Variants in NEGR1 observed in about 807,000 individuals in gnomAD.
The protein encoded by NEGR1 is neuronal growth regulator 1.
In NEGR1, 10 loss-of-function variants were observed where a neutral mutation model predicts 40.9. The observed-to-expected ratio is 0.24, with a 90% CI of 0.15 to 0.42. The LOEUF (loss-of-function observed/expected upper bound fraction) is 0.42. NEGR1 is among the 10% of genes least tolerant of loss of function. The pLI is 1.00. For missense variants in NEGR1, 352 were observed against 438.9 expected (o/e 0.80, Z 1.77); for synonymous variants, 185 against 166.8 (o/e 1.11, Z -0.84).
chr1:71,859,863 A>T (rs1659892487), intron 2 of NEGR1, among the ~76,000 whole-genome samples: 1 of 152,090 alleles, frequency 6.6e-6, no homozygotes, highest in African/African-American at 2.4e-5. Context: ...TCATCCATCT[A>T]AATATCAAAG....
At position 71,831,725 on chromosome 1, in the gene NEGR1, G is replaced by A. The variant is rs904375997; in HGVS notation, c.410-55428C>T. 4.0e-5 allele frequency among the ~76,000 whole-genome samples: 6 copies of A among 151,714 alleles called. 1 individual carries two copies. Among genetic ancestry groups the A allele is most frequent in the African/African-American group, 1.2e-4 (5 of 41,404 alleles). On this transcript the variant is annotated intron_variant, in intron 2 of 6. Coordinates refer to ENST00000357731, the MANE Select transcript of NEGR1 (RefSeq NM_173808.3). ...TTGGCTAGAGGACAGTGGGAGGATC[G>A]AACTCATGTTGGTCCCTGGGGATGT...
chr1:72,057,307 A>T (rs565440905), intron 1 of NEGR1, among the ~76,000 whole-genome samples: 4 of 150,722 alleles, frequency 2.7e-5, no homozygotes, highest in Non-Finnish European at 4.5e-5. Flanking sequence ...TCCAAACTTA[A>T]TTTTTTTTTG....
chr1:72,116,149 T>C (rs1468709381), intron 1 of NEGR1, among the ~76,000 whole-genome samples: 1 of 151,764 alleles, frequency 6.6e-6, no homozygotes, highest in Non-Finnish European at 1.5e-5. Context: ...TTAAAAGAGA[T>C]ACAGTAAAAG....
At chr1:71,822,967 A>C (rs1215408009) in intron 2 of NEGR1, among the ~76,000 whole-genome samples, 1 of 152,046 alleles carries the variant, frequency 6.6e-6, no homozygotes, top group African/African-American at 2.4e-5. Flanking sequence ...GAGAGGAGAG[A>C]GTGCCATCCT....
At chr1:71,970,098 G>GA (rs1557461326) in intron 1 of NEGR1, among the ~76,000 whole-genome samples, 1 of 152,140 alleles carries the variant, frequency 6.6e-6, no homozygotes, top group Non-Finnish European at 1.5e-5. Flanking sequence ...GATATCAGAA[G>GA]AAACAGCCTA....
chr1:71,440,884 G>T (rs1646542459), intron 6 of NEGR1, among the ~76,000 whole-genome samples: 1 of 152,158 alleles, frequency 6.6e-6, no homozygotes, highest in Non-Finnish European at 1.5e-5. Flanking sequence ...ACTAATGCAG[G>T]TGAGTATTTT....
intron 1 of NEGR1, among the ~76,000 whole-genome samples, chr1:72,188,184 A>G (rs1652681341): frequency 6.6e-6 from 1 of 151,516 alleles, no homozygotes; most frequent in East Asian, 1.9e-4. Flanking sequence ...GCTTGAAAAT[A>G]TCATAATTAA....
chr1:71,913,657 C>G (rs1177608601), intron 2 of NEGR1, among the ~76,000 whole-genome samples: 1 of 152,102 alleles, frequency 6.6e-6, no homozygotes. Context: ...TCTTTCTATT[C>G]ATTTTACCCT....
chr1:72,220,074 C>T (rs1653958965), intron 1 of NEGR1, among the ~76,000 whole-genome samples: 1 of 151,958 alleles, frequency 6.6e-6, no homozygotes, highest in South Asian at 2.1e-4. Context: ...TATTAATAGT[C>T]ACTTTAACTG....
At chr1:71,717,406 T>C (rs904979087) in intron 3 of NEGR1, among the ~76,000 whole-genome samples, 9 of 152,158 alleles carry the variant, frequency 5.9e-5, no homozygotes, top group African/African-American at 1.9e-4. Context: ...TATTACTTTT[T>C]TTTGAGTAAA....
chr1:71,791,726 C>A (rs1256275518), intron 2 of NEGR1, among the ~76,000 whole-genome samples: 3 of 151,930 alleles, frequency 2.0e-5, no homozygotes, highest in Non-Finnish European at 4.4e-5. Context: ...AAGTGGAACA[C>A]CCTAAGAGTC....
chr1:72,074,416 C>T (rs534808569), intron 1 of NEGR1, among the ~76,000 whole-genome samples: 4 of 151,646 alleles, frequency 2.6e-5, no homozygotes, highest in East Asian at 3.9e-4. Context: ...TTTTTATGTG[C>T]GAATATATCA....
chr1:71,833,630 A>G lies in NEGR1; in HGVS notation c.410-57333T>C, dbSNP rs1406366944. On this transcript the variant is annotated intron_variant, in intron 2 of 6. Coordinates refer to ENST00000357731, the MANE Select transcript of NEGR1 (RefSeq NM_173808.3). ...GATTCCCTATTCTGTCTCCAGCAAT[A>G]CAAAAGCTGGGTCAGTCTTTCAGCA... Among the ~76,000 whole-genome samples, 78 of 152,080 alleles carry G rather than the reference A, an allele frequency of 5.1e-4. 1 individual carries two copies. The highest frequency in any genetic ancestry group is 5.0e-3 in the Admixed American group (76 of 15,234).
At chr1:71,888,521 C>T (rs1174786865) in intron 2 of NEGR1, among the ~76,000 whole-genome samples, 2 of 151,498 alleles carry the variant, frequency 1.3e-5, no homozygotes, top group African/African-American at 2.4e-5. Flanking sequence ...GCTTAAAAAA[C>T]GGCGCACCAC....
At chr1:71,730,100 A>T (rs756401408) in intron 3 of NEGR1, among the ~76,000 whole-genome samples, 95 of 152,184 alleles carry the variant, frequency 6.2e-4, no homozygotes, top group Non-Finnish European at 1.1e-3. Flanking sequence ...ACCAAGAGGA[A>T]AAGGAGATCT....
intron 6 of NEGR1, among the ~76,000 whole-genome samples, chr1:71,467,261 C>A (rs1646753099): frequency 6.6e-6 from 1 of 151,888 alleles, no homozygotes; most frequent in South Asian, 2.1e-4. Flanking sequence ...TGTTGGAAGT[C>A]TTGAAGATGT....
intron 4 of NEGR1, among the ~76,000 whole-genome samples, chr1:71,692,291 TA>T (rs756535769): frequency 2.9e-4 from 44 of 150,396 alleles, no homozygotes; most frequent in African/African-American, 5.6e-4. Context: ...TTAATTAGCT[TA>T]AAAAAAAACA....
chr1:72,255,739 C>T (rs997090693), intron 1 of NEGR1, among the ~76,000 whole-genome samples: 18 of 151,822 alleles, frequency 1.2e-4, no homozygotes, highest in African/African-American at 4.1e-4. Context: ...TTAGTAGAGA[C>T]GGGGTTTCAC....
At chr1:71,803,436 C>A (rs1657634336) in intron 2 of NEGR1, among the ~76,000 whole-genome samples, 1 of 152,118 alleles carries the variant, frequency 6.6e-6, no homozygotes, top group Non-Finnish European at 1.5e-5. Flanking sequence ...ACACTCAGAG[C>A]CAGGGGTATA....
Sources: allele counts gnomAD v4.1 joint callset (sites outside exome capture counted in the v4.1 genomes callset), GRCh38; gene constraint gnomAD v4.1.1; transcripts MANE v1.5; gene names NCBI Gene and HGNC (gene_info 2026-07-23, HGNC 2026-07-21).